CSMD1: variants seen among roughly 807,000 people sequenced by gnomAD.
CSMD1 encodes the protein CUB and sushi domain-containing protein 1.
Under a neutral mutation model 417.5 loss-of-function variants are expected in CSMD1, and 213 were observed. The ratio of observed to expected loss-of-function variants is 0.51; its 90% confidence interval spans 0.46 to 0.57. The LOEUF (loss-of-function observed/expected upper bound fraction) is 0.57. CSMD1 is among the 20% of genes least tolerant of loss of function. CSMD1 has a pLI of 0.00. For missense variants in CSMD1, 6,923 were observed against 4,529.7 expected (o/e 1.53, Z -15.17); for synonymous variants, 2,862 against 1,736.8 (o/e 1.65, Z -16.11).
chr8:3,231,645 T>G (rs1019122367), intron 26 of CSMD1, among the ~76,000 whole-genome samples: 1 of 152,164 alleles, frequency 6.6e-6, no homozygotes, highest in Non-Finnish European at 1.5e-5. Context: ...GGGGTGGCAA[T>G]GAACAAATAA....
In CSMD1 at chr8:4,928,015, C is replaced by A. The variant is rs28542459; in HGVS notation, c.85+66317G>T. On this transcript the variant is annotated intron_variant, in intron 1 of 69. Coordinates refer to ENST00000635120, the MANE Select transcript of CSMD1 (RefSeq NM_033225.6). ...CCCGAGTCACACCCCACATCCTCAG[C>A]GGCAAAAGTAGAAATCCTTCCCTGA... is the stretch of plus-strand genomic sequence containing the variant. 8.1e-3 allele frequency among the ~76,000 whole-genome samples: 1,236 copies of A among 152,274 alleles called. 13 individuals are homozygous for A. The highest frequency in any genetic ancestry group is 0.028 in the African/African-American group (1,154 of 41,540).
At chr8:4,857,855 T>A (rs1427366823) in intron 1 of CSMD1, among the ~76,000 whole-genome samples, 1 of 151,856 alleles carries the variant, frequency 6.6e-6, no homozygotes, top group Non-Finnish European at 1.5e-5. Context: ...ACTGGTACCA[T>A]TCCTTCTGAA....
At chr8:3,970,958 C>A (rs1369206468) in intron 5 of CSMD1, among the ~76,000 whole-genome samples, 4 of 152,060 alleles carry the variant, frequency 2.6e-5, no homozygotes, top group South Asian at 2.1e-4. Context: ...ACCATGTTGG[C>A]CGGGCTGGTC....
intron 1 of CSMD1, among the ~76,000 whole-genome samples, chr8:4,811,429 T>G (rs555637970): frequency 5.2e-4 from 79 of 152,294 alleles, no homozygotes; most frequent in South Asian, 5.2e-3. Flanking sequence ...TATAAAATTG[T>G]TGCTATTTGA....
chr8:4,749,845 G>C (rs973584294), intron 1 of CSMD1, among the ~76,000 whole-genome samples: 2 of 152,178 alleles, frequency 1.3e-5, no homozygotes, highest in South Asian at 2.1e-4. Context: ...TGGAAAGCCA[G>C]GGTGTGGATT....
intron 17 of CSMD1, among the ~76,000 whole-genome samples, chr8:3,392,978 C>G (rs1339557625): frequency 6.6e-6 from 1 of 152,290 alleles, no homozygotes; most frequent in East Asian, 1.9e-4. Context: ...CAGGCCTTTC[C>G]TGACTCATTT....
At chr8:2,994,974 G>C (rs191718998) in intron 54 of CSMD1, among the ~76,000 whole-genome samples, 200 of 152,268 alleles carry the variant, frequency 1.3e-3, no homozygotes, top group African/African-American at 4.6e-3. Context: ...AGACAAAATA[G>C]AGGAACACTT....
chr8:3,377,865 A>T (rs1427537384), intron 18 of CSMD1, among the ~76,000 whole-genome samples: 2 of 152,206 alleles, frequency 1.3e-5, no homozygotes, highest in African/African-American at 4.8e-5. Context: ...TTAGTCTAAG[A>T]TATATTCAAT....
intron 3 of CSMD1, among the ~76,000 whole-genome samples, chr8:4,329,715 G>A (rs184544470): frequency 1.4e-4 from 21 of 152,184 alleles, no homozygotes; most frequent in East Asian, 1.9e-4. Flanking sequence ...GATGAGGTCC[G>A]GTGGGAGGTA....
At chr8:4,040,845 G>A (rs1344846189) in intron 3 of CSMD1, among the ~76,000 whole-genome samples, 4 of 151,826 alleles carry the variant, frequency 2.6e-5, no homozygotes, top group African/African-American at 7.2e-5. Context: ...CCGGACAATC[G>A]AAAAAATAAA....
intron 26 of CSMD1, among the ~76,000 whole-genome samples, chr8:3,279,716 A>T (rs919968919): frequency 6.6e-6 from 1 of 152,144 alleles, no homozygotes; most frequent in African/African-American, 2.4e-5. Flanking sequence ...ACTTACAATC[A>T]TGGAGGAAGG....
chr8:3,992,136 G>T (rs893452058), intron 5 of CSMD1, among the ~76,000 whole-genome samples: 1 of 151,206 alleles, frequency 6.6e-6, no homozygotes, highest in Non-Finnish European at 1.5e-5. Context: ...GTGTGTGTGT[G>T]TGTATGTACA....
intron 2 of CSMD1, among the ~76,000 whole-genome samples, chr8:4,557,158 G>T (rs550984005): frequency 6.6e-6 from 1 of 152,216 alleles, no homozygotes; most frequent in South Asian, 2.1e-4. Flanking sequence ...TTTCCTTCCT[G>T]CTTAGCTCCA....
intron 1 of CSMD1, among the ~76,000 whole-genome samples, chr8:4,711,709 A>T (rs1808310109): frequency 6.6e-6 from 1 of 152,198 alleles, no homozygotes; most frequent in Non-Finnish European, 1.5e-5. Flanking sequence ...GTCTAAAAAC[A>T]ATTTCAATAT....
intron 6 of CSMD1, among the ~76,000 whole-genome samples, chr8:3,719,447 G>C (rs1019929609): frequency 3.9e-5 from 6 of 152,148 alleles, no homozygotes; most frequent in African/African-American, 9.7e-5. Context: ...ACATAATGCA[G>C]AATCTCAAGA....
chr8:4,024,492 A>T (rs959741564), intron 4 of CSMD1, among the ~76,000 whole-genome samples: 1 of 152,210 alleles, frequency 6.6e-6, no homozygotes, highest in Non-Finnish European at 1.5e-5. Flanking sequence ...CACCCAAACT[A>T]TAGCTGACTT....
intron 1 of CSMD1, among the ~76,000 whole-genome samples, chr8:4,985,770 G>C (rs1811146250): frequency 6.6e-6 from 1 of 152,152 alleles, no homozygotes; most frequent in African/African-American, 2.4e-5. Context: ...TGTTGAACAA[G>C]TGAACTGCAA....
intron 3 of CSMD1, among the ~76,000 whole-genome samples, chr8:4,145,608 C>T (rs1225595061): frequency 6.6e-6 from 1 of 150,822 alleles, no homozygotes; most frequent in Non-Finnish European, 1.5e-5. Flanking sequence ...GGGCTAGTGT[C>T]AAAGTCCTCG....
chr8:3,036,887 G>C (rs1186616598), intron 50 of CSMD1, among the ~76,000 whole-genome samples: 3 of 152,000 alleles, frequency 2.0e-5, no homozygotes, highest in Non-Finnish European at 2.9e-5. Context: ...AGTTATCTAG[G>C]GGTGATTTCT....
Sources: gnomAD v4.1 joint callset for allele counts (sites outside exome capture counted in the v4.1 genomes callset) on GRCh38, gnomAD v4.1.1 for gene constraint, MANE v1.5 for transcripts, NCBI Gene and HGNC (gene_info 2026-07-23, HGNC 2026-07-21) for gene names.